MUSK: variants seen among roughly 807,000 people sequenced by gnomAD.
MUSK encodes the protein muscle associated receptor tyrosine kinase.
A neutral mutation model predicts 88.7 loss-of-function variants in MUSK; 55 were observed. That is an observed-to-expected ratio of 0.62 (90% CI 0.50 to 0.78). The LOEUF (loss-of-function observed/expected upper bound fraction) is 0.78. Ranked by LOEUF, MUSK falls within the 30% of genes least tolerant of loss-of-function variation. The pLI, the probability that MUSK is intolerant of heterozygous loss-of-function variation, is 0.00. For synonymous variants in MUSK, 387 were observed against 391.9 expected (o/e 0.99, Z 0.15); for missense variants, 1,015 against 1,074.3 (o/e 0.94, Z 0.77).
rs1315724112 is a variant in MUSK at position 110,800,742 on chromosome 9, T to C, written c.2364T>C (p.Tyr788=). The change falls in exon 15 of 15, where the codon TAT becomes TAC. Residue 788 remains tyrosine (Y), a synonymous_variant. Transcript: ENST00000374448. ...RYTTESDVWA[Y]GVVLWEIFSY... is the part of the protein sequence containing the mutation. Reference sequence around the variant, plus strand: ...CTACAGAGTCTGATGTGTGGGCCTATGGCGTGGTCCTCTGGGAGATCTTCT... The same window carrying C: ...CTACAGAGTCTGATGTGTGGGCCTACGGCGTGGTCCTCTGGGAGATCTTCT... 3.1e-6 allele frequency: 5 copies of C among 1,613,914 alleles called. No homozygotes were observed. Among genetic ancestry groups the C allele is most frequent in the Non-Finnish European group, 4.2e-6 (5 of 1,179,910 alleles).
chr9:110,707,576 C>T (rs1195101617), intron 5 of MUSK, among the ~76,000 whole-genome samples: 1 of 152,128 alleles, frequency 6.6e-6, no homozygotes, highest in Non-Finnish European at 1.5e-5. Flanking sequence ...CTATTATTAT[C>T]TTGTTTACCC....
intron 6 of MUSK, among the ~76,000 whole-genome samples, chr9:110,741,655 C>A (rs773362432): frequency 4.6e-5 from 7 of 152,112 alleles, no homozygotes; most frequent in Non-Finnish European, 8.8e-5. Context: ...TCGCTGAAGT[C>A]TTTTTTCTGT....
At chr9:110,747,570 C>T in intron 6 of MUSK, 71 bp from the exon 7 acceptor site, 1 of 1,447,062 alleles carries the variant, frequency 6.9e-7, no homozygotes, top group South Asian at 1.3e-5. Context: ...ATGCTTTTCC[C>T]TTCAAATCTA....
Position 110,695,528 on chromosome 9 carries a change from A to C in MUSK, c.484A>C (p.Arg162=). ...TTGGATAAAGGGAGACAGCCCTCTCAGGGTAAGTGGTTATGATGTTAAAAC... is the reference window on the plus strand; with the variant it reads ...TTGGATAAAGGGAGACAGCCCTCTCCGGGTAAGTGGTTATGATGTTAAAAC... ...VSWIKGDSPL[R]ENSRIAVLES... The change falls in exon 4 of 15, where the codon AGG becomes CGG. Residue 162 remains arginine, a splice_region_variant and synonymous_variant. Transcript: ENST00000374448. 15 of 1,552,502 alleles carry C rather than the reference A, an allele frequency of 9.7e-6. No homozygotes were observed. Among genetic ancestry groups the C allele is most frequent in the Non-Finnish European group, 1.3e-5 (15 of 1,146,762 alleles).
intron 5 of MUSK, among the ~76,000 whole-genome samples, chr9:110,709,031 T>C (rs893480876): frequency 7.2e-5 from 11 of 152,280 alleles, no homozygotes; most frequent in African/African-American, 2.4e-4. Flanking sequence ...TTCTATTCAA[T>C]GCATTAGTTC....
At chr9:110,686,972 G>T in intron 2 of MUSK, 145 bp from the exon 3 acceptor site, 5 of 659,298 alleles carry the variant, frequency 7.6e-6, no homozygotes, top group Non-Finnish European at 1.0e-5. Context: ...ATCAAGTAAG[G>T]TTATTCTATT....
chr9:110,772,463 T>G (rs1012118926), intron 9 of MUSK, among the ~76,000 whole-genome samples: 1 of 151,944 alleles, frequency 6.6e-6, no homozygotes, highest in Non-Finnish European at 1.5e-5. Flanking sequence ...AAATGTTATT[T>G]TTTAAAATCC....
At chr9:110,779,042 T>G (rs1264051753) in intron 11 of MUSK, among the ~76,000 whole-genome samples, 1 of 143,554 alleles carries the variant, frequency 7.0e-6, no homozygotes, top group Non-Finnish European at 1.5e-5. Context: ...AATGAAATCA[T>G]GAAGCGTCAG....
chr9:110,766,323 C>T (rs1423118622), intron 8 of MUSK, among the ~76,000 whole-genome samples: 4 of 152,158 alleles, frequency 2.6e-5, no homozygotes, highest in Non-Finnish European at 5.9e-5. Flanking sequence ...TCAACAACAG[C>T]ATCCTTGTTT....
intron 1 of MUSK, among the ~76,000 whole-genome samples, chr9:110,681,464 T>A (rs1260956228): frequency 6.6e-6 from 1 of 151,780 alleles, no homozygotes; most frequent in Non-Finnish European, 1.5e-5. Context: ...TAATTGAGTG[T>A]GGGTCAAAGA....
At chr9:110,773,474 T>G (rs1300321293) in intron 9 of MUSK, among the ~76,000 whole-genome samples, 1 of 152,162 alleles carries the variant, frequency 6.6e-6, no homozygotes, top group Non-Finnish European at 1.5e-5. Flanking sequence ...TAATCATGTA[T>G]AAGTAGATAC....
At chr9:110,690,330 AAATAT>A (rs1412749959) in intron 3 of MUSK, among the ~76,000 whole-genome samples, 1 of 95,962 alleles carries the variant, frequency 1.0e-5, no homozygotes, top group East Asian at 3.1e-4. Context: ...ATATATATTT[AAATAT>A]AAGTATATAT....
At chr9:110,756,969 A>G (rs1462661930) in intron 7 of MUSK, among the ~76,000 whole-genome samples, 1 of 152,158 alleles carries the variant, frequency 6.6e-6, no homozygotes, top group Non-Finnish European at 1.5e-5. Context: ...GGTGGAAAAA[A>G]TAAATAAATA....
rs1186196278 is a variant in MUSK, at chr9:110,690,185, TAA to T, written c.358+2918_358+2919del. ...ATATATAAATATATAAATATATATTTAAGTATATATAAATATATATAAATATA... is the reference window on the plus strand; with the variant it reads ...ATATATAAATATATAAATATATATTTGTATATATAAATATATATAAATATA... On this transcript the variant is annotated intron_variant, in intron 3 of 14. Transcript: ENST00000374448. 1.0e-3 allele frequency among the ~76,000 whole-genome samples: 104 copies of T among 102,434 alleles called. 2 individuals carry two copies. Among genetic ancestry groups the T allele is most frequent in the African/African-American group, 4.0e-3 (96 of 24,148 alleles). The allele number at this position is 102,434 out of a possible 152,430, so 67.2% of individuals were successfully genotyped here.
At chr9:110,719,892 C>A (rs1442992279) in intron 5 of MUSK, among the ~76,000 whole-genome samples, 1 of 151,988 alleles carries the variant, frequency 6.6e-6, no homozygotes, top group Admixed American at 6.6e-5. Flanking sequence ...ATCAAATATT[C>A]TCTCACACCA....
At chr9:110,759,679 T>C (rs2077371880) in intron 7 of MUSK, among the ~76,000 whole-genome samples, 1 of 152,206 alleles carries the variant, frequency 6.6e-6, no homozygotes, top group Non-Finnish European at 1.5e-5. Flanking sequence ...CAGACACTTT[T>C]GAAAAGAAGA....
At chr9:110,772,476 A>C (rs1416369001) in intron 9 of MUSK, among the ~76,000 whole-genome samples, 1 of 151,874 alleles carries the variant, frequency 6.6e-6, no homozygotes, top group East Asian at 1.9e-4. Flanking sequence ...TAAAATCCTC[A>C]TCATCAAATA....
chr9:110,752,204 T>G (rs2077256995), intron 7 of MUSK, among the ~76,000 whole-genome samples: 1 of 152,174 alleles, frequency 6.6e-6, no homozygotes, highest in African/African-American at 2.4e-5. Flanking sequence ...TTTGACCTGC[T>G]CTTGTGAGTT....
rs149132850 is a variant in MUSK, at chr9:110,721,079, A to G, written c.629-13172A>G. ...AACCCTCAGCAAAATCAGCATAGAA[A>G]AGACATACCTTAAGGTAATAAAAGC... On this transcript the variant is annotated intron_variant, in intron 5 of 14. Coordinates refer to ENST00000374448, the MANE Select transcript of MUSK (RefSeq NM_005592.4). Among the ~76,000 whole-genome samples, 217 of 152,136 alleles carry G rather than the reference A, an allele frequency of 1.4e-3. 1 individual carries two copies. Among genetic ancestry groups the G allele is most frequent in the African/African-American group, 4.8e-3 (198 of 41,544 alleles).
Sources: allele counts gnomAD v4.1 joint callset (sites outside exome capture counted in the v4.1 genomes callset), GRCh38; gene constraint gnomAD v4.1.1; transcripts MANE v1.5; gene names NCBI Gene and HGNC (gene_info 2026-07-23, HGNC 2026-07-21).